Variants in CDH13 observed in about 807,000 individuals in gnomAD.
The protein encoded by CDH13 is cadherin 13.
CDH13 carries 24 observed loss-of-function variants against 63.8 expected under a neutral mutation model. The observed-to-expected ratio is 0.38, with a 90% CI of 0.27 to 0.53. CDH13 has a LOEUF of 0.53. CDH13 is among the 20% of genes least tolerant of loss of function. The probability of loss-of-function intolerance (pLI) is 0.85; values close to 1 mark genes in which losing one functional copy is unlikely to be tolerated. For missense variants in CDH13, 1,049 were observed against 903.1 expected (o/e 1.16, Z -2.07); for synonymous variants, 503 against 355.3 (o/e 1.42, Z -4.67).
rs140820678 is a variant in CDH13 at position 83,115,951 on chromosome 16, C to T, written c.367-9434C>T. On this transcript the variant is annotated intron_variant, in intron 3 of 13. Transcript: ENST00000567109. ...TCAGCGTATTTAGGAGATCCTCCAA[C>T]AGGTGGCCAGCCCGGGTCAAGCTGC... 5.9e-3 allele frequency among the ~76,000 whole-genome samples: 902 copies of T among 152,334 alleles called. 12 individuals carry two copies. Among genetic ancestry groups the T allele is most frequent in the African/African-American group, 0.019 (796 of 41,578 alleles).
At chr16:83,243,238 C>A (rs528266939) in intron 5 of CDH13, among the ~76,000 whole-genome samples, 2 of 152,274 alleles carry the variant, frequency 1.3e-5, no homozygotes, top group South Asian at 4.2e-4. Context: ...TAAAAACATA[C>A]CTGCGACTGG....
At chr16:83,778,049 G>A (rs1026417197) in intron 11 of CDH13, among the ~76,000 whole-genome samples, 1 of 152,156 alleles carries the variant, frequency 6.6e-6, no homozygotes, top group African/African-American at 2.4e-5. Flanking sequence ...TGGGAATAAG[G>A]CAAATCTGTA....
Position 83,108,679 on chromosome 16 carries a change from C to G in CDH13, c.367-16706C>G, listed in dbSNP as rs114915658. On this transcript the variant is annotated intron_variant, in intron 3 of 13. Coordinates refer to ENST00000567109, the MANE Select transcript of CDH13 (RefSeq NM_001257.5). ...TTTTCAGCCTTCAGGCTATTTTAGG[C>G]TCGAAGGCAGGGTTTTGCTGGGGAC... is the stretch of plus-strand genomic sequence containing the variant. Among the ~76,000 whole-genome samples, 564 of 152,280 alleles carry G rather than the reference C, an allele frequency of 3.7e-3. 8 individuals are homozygous for G. Among genetic ancestry groups the G allele is most frequent in the African/African-American group, 0.013 (536 of 41,540 alleles).
chr16:83,785,693 G>A (rs528015497), intron 13 of CDH13, among the ~76,000 whole-genome samples: 2 of 152,278 alleles, frequency 1.3e-5, no homozygotes, highest in South Asian at 2.1e-4. Context: ...TATCAGCTGG[G>A]GAGATGGTGG....
intron 13 of CDH13, among the ~76,000 whole-genome samples, chr16:83,785,315 T>C (rs1218878869): frequency 6.6e-6 from 1 of 152,186 alleles, no homozygotes; most frequent in East Asian, 1.9e-4. Flanking sequence ...GGTTCACATA[T>C]GGCGCCTTCT....
intron 8 of CDH13, among the ~76,000 whole-genome samples, chr16:83,632,716 T>C (rs899127969): frequency 1.3e-5 from 1 of 78,088 alleles, no homozygotes; most frequent in African/African-American, 4.7e-5. Flanking sequence ...AAGAAAGAAT[T>C]CAGGGCGAGT....
intron 7 of CDH13, among the ~76,000 whole-genome samples, chr16:83,509,415 A>T (rs1177737070): frequency 1.3e-5 from 2 of 152,246 alleles, no homozygotes; most frequent in African/African-American, 4.8e-5. Context: ...TTTGTGGGCC[A>T]TATGGTGGCT....
At chr16:83,192,267 A>T (rs139683618) in intron 4 of CDH13, among the ~76,000 whole-genome samples, 96 of 152,296 alleles carry the variant, frequency 6.3e-4, no homozygotes, top group Admixed American at 2.5e-3. Flanking sequence ...CTTCATGCCC[A>T]CAGTATTCAG....
chr16:83,461,393 G>A (rs1286416922), intron 6 of CDH13, among the ~76,000 whole-genome samples: 1 of 152,132 alleles, frequency 6.6e-6, no homozygotes, highest in Non-Finnish European at 1.5e-5. Context: ...GATGATGATT[G>A]AATCAGGTTT....
intron 2 of CDH13, among the ~76,000 whole-genome samples, chr16:83,008,694 G>A (rs932478707): frequency 1.1e-4 from 17 of 152,146 alleles, no homozygotes; most frequent in Admixed American, 3.9e-4. Flanking sequence ...GCTTACCACC[G>A]TAACCCAGGC....
intron 2 of CDH13, among the ~76,000 whole-genome samples, chr16:82,892,542 A>T (rs988281691): frequency 1.2e-4 from 19 of 152,168 alleles, no homozygotes; most frequent in African/African-American, 4.6e-4. Flanking sequence ...TCATGTCACT[A>T]GATGTGTACT....
chr16:82,961,857 G>A (rs1258258717), intron 2 of CDH13, among the ~76,000 whole-genome samples: 1 of 152,178 alleles, frequency 6.6e-6, no homozygotes, highest in African/African-American at 2.4e-5. Context: ...GGCTTCTAGT[G>A]GGTAGAGGTC....
At chr16:83,115,973 C>A (rs1190652120) in intron 3 of CDH13, among the ~76,000 whole-genome samples, 1 of 152,210 alleles carries the variant, frequency 6.6e-6, no homozygotes, top group Non-Finnish European at 1.5e-5. Context: ...CCGGGTCAAG[C>A]TGCGTCTGGC....
chr16:83,683,596 A>T (rs956472431), intron 10 of CDH13, among the ~76,000 whole-genome samples: 2 of 152,208 alleles, frequency 1.3e-5, no homozygotes, highest in African/African-American at 4.8e-5. Context: ...TTACAGGGAT[A>T]TACTCATCTG....
chr16:83,064,967 C>T (rs1392750481), intron 3 of CDH13, among the ~76,000 whole-genome samples: 1 of 152,102 alleles, frequency 6.6e-6, no homozygotes, highest in African/African-American at 2.4e-5. Flanking sequence ...TCTTGTCTAT[C>T]TGAAACTTTG....
At chr16:83,157,912 CA>C (rs1021522546) in intron 4 of CDH13, among the ~76,000 whole-genome samples, 3 of 148,216 alleles carry the variant, frequency 2.0e-5, no homozygotes, top group East Asian at 2.0e-4. Flanking sequence ...GACTCTGTCT[CA>C]AAAAAAAAGA....
At chr16:83,198,544 A>G (rs1435070029) in intron 4 of CDH13, among the ~76,000 whole-genome samples, 1 of 152,194 alleles carries the variant, frequency 6.6e-6, no homozygotes, top group East Asian at 1.9e-4. Flanking sequence ...CAGAAGGTGC[A>G]TCTTGATGGA....
intron 4 of CDH13, among the ~76,000 whole-genome samples, chr16:83,181,990 C>T (rs1462464504): frequency 6.6e-6 from 1 of 152,116 alleles, no homozygotes; most frequent in Admixed American, 6.6e-5. Flanking sequence ...AGCTGGATTC[C>T]CCTCCAAGCG....
intron 5 of CDH13, among the ~76,000 whole-genome samples, chr16:83,320,808 G>C (rs1338889981): frequency 2.0e-5 from 3 of 152,178 alleles, no homozygotes; most frequent in Non-Finnish European, 4.4e-5. Context: ...CAGCCACAAA[G>C]TGGAGCCCAT....
Sources: gnomAD v4.1 joint callset for allele counts (sites outside exome capture counted in the v4.1 genomes callset) on GRCh38, gnomAD v4.1.1 for gene constraint, MANE v1.5 for transcripts, NCBI Gene and HGNC (gene_info 2026-07-23, HGNC 2026-07-21) for gene names.